ATRNL1: variants seen among roughly 807,000 people sequenced by gnomAD.
ATRNL1 encodes attractin-like protein 1.
ATRNL1 carries 95 observed loss-of-function variants against 182.7 expected under a neutral mutation model. That is an observed-to-expected ratio of 0.52 (90% CI 0.44 to 0.62). The LOEUF (loss-of-function observed/expected upper bound fraction) is 0.62. ATRNL1 is among the 20% of genes least tolerant of loss of function. The pLI, the probability that ATRNL1 is intolerant of heterozygous loss-of-function variation, is 0.00. For synonymous variants in ATRNL1, 576 were observed against 568.3 expected (o/e 1.01, Z -0.19); for missense variants, 1,471 against 1,679.5 (o/e 0.88, Z 2.17).
intron 18 of ATRNL1, among the ~76,000 whole-genome samples, chr10:115,320,451 TG>T (rs1310804514): frequency 1.3e-5 from 2 of 152,196 alleles, no homozygotes; most frequent in Non-Finnish European, 2.9e-5. Flanking sequence ...CTTGCTAGGT[TG>T]GGGAAGTTCT....
At chr10:115,608,158 A>G (rs1856966270) in intron 26 of ATRNL1, among the ~76,000 whole-genome samples, 2 of 152,092 alleles carry the variant, frequency 1.3e-5, no homozygotes, top group South Asian at 4.1e-4. Context: ...GTTTTTAAGG[A>G]CATGGTAATT....
intron 26 of ATRNL1, among the ~76,000 whole-genome samples, chr10:115,566,870 GCTTT>G (rs1278072348): frequency 0.02 from 3,031 of 152,172 alleles, 94 homozygotes; most frequent in African/African-American, 0.069. Context: ...CTGCCCAGGG[GCTTT>G]CACATGCACC....
In ATRNL1 at chr10:115,403,257, C is replaced by CTTTTTTTTTTTTTTTTTTTTTT. The variant is rs59256867; in HGVS notation, c.3269+8524_3269+8525insTTTTTTTTTTTTTTTTTTTTTT. ...CTTTATTTTTCCTAATTACTCTCATCTTTTTTTTTTTTTTTTTTTAGTCTG... is the reference window on the plus strand; with the variant it reads ...CTTTATTTTTCCTAATTACTCTCATCTTTTTTTTTTTTTTTTTTTTTTTTTTTTTTTTTTTTTTTTTAGTCTG... On this transcript the variant is annotated intron_variant, in intron 20 of 28. Transcript: ENST00000355044. Among the ~76,000 whole-genome samples the CTTTTTTTTTTTTTTTTTTTTTT allele has an allele frequency of 1.1e-3, 117 of 107,422 alleles. 8 individuals carry two copies. The highest frequency in any genetic ancestry group is 5.4e-3 in the African/African-American group (111 of 20,382). The allele number at this position is 107,422 out of a possible 152,430, so 70.5% of individuals were successfully genotyped here.
At chr10:115,606,002 G>T (rs1856854008) in intron 26 of ATRNL1, among the ~76,000 whole-genome samples, 1 of 151,896 alleles carries the variant, frequency 6.6e-6, no homozygotes, top group Admixed American at 6.6e-5. Flanking sequence ...AAAATGTGGG[G>T]ATAGGGAGAA....
At chr10:115,719,363 G>T (rs1396048943) in intron 26 of ATRNL1, among the ~76,000 whole-genome samples, 1 of 152,120 alleles carries the variant, frequency 6.6e-6, no homozygotes, top group African/African-American at 2.4e-5. Flanking sequence ...GTATACACAG[G>T]TATATCATCT....
At chr10:115,688,202 T>C (rs1946280203) in intron 26 of ATRNL1, among the ~76,000 whole-genome samples, 1 of 152,170 alleles carries the variant, frequency 6.6e-6, no homozygotes, top group Non-Finnish European at 1.5e-5. Flanking sequence ...TTACATTTCC[T>C]TTACTCATTC....
chr10:115,733,021 C>T (rs1385474924), intron 27 of ATRNL1, among the ~76,000 whole-genome samples: 1 of 152,130 alleles, frequency 6.6e-6, no homozygotes, highest in African/African-American at 2.4e-5. Flanking sequence ...ATAAACTCAG[C>T]ACACAAGCTT....
At chr10:115,783,526 G>A (rs1555079729) in intron 27 of ATRNL1, among the ~76,000 whole-genome samples, 1 of 152,110 alleles carries the variant, frequency 6.6e-6, no homozygotes, top group African/African-American at 2.4e-5. Flanking sequence ...TATTAAGTAT[G>A]ATAATAAATG....
rs546433806 is a variant in ATRNL1, at chr10:115,365,491, T to C, written c.3176-29168T>C. 5.0e-3 allele frequency among the ~76,000 whole-genome samples: 759 copies of C among 152,304 alleles called. 4 individuals are homozygous for C. The highest frequency in any genetic ancestry group is 0.016 in the African/African-American group (670 of 41,570). Reference sequence around the variant, plus strand: ...AACCAGCTCCTGGATTCATTAATTTTTTGAAGGGTTTTTTGTGTCTCTATT... The same window carrying C: ...AACCAGCTCCTGGATTCATTAATTTCTTGAAGGGTTTTTTGTGTCTCTATT... On this transcript the variant is annotated intron_variant, in intron 19 of 28. Coordinates refer to ENST00000355044, the MANE Select transcript of ATRNL1 (RefSeq NM_207303.4).
intron 16 of ATRNL1, 120 bp from the exon 17 acceptor site, chr10:115,301,735 T>A (rs1190145415): frequency 1.5e-5 from 11 of 757,246 alleles, no homozygotes; most frequent in Non-Finnish European, 2.1e-5. Context: ...CCTCATCATA[T>A]TATAATGCCA....
chr10:115,241,186 A>T (rs926556238), intron 9 of ATRNL1, among the ~76,000 whole-genome samples: 1 of 151,960 alleles, frequency 6.6e-6, no homozygotes, highest in East Asian at 1.9e-4. Context: ...GTTTTAACCA[A>T]ATATAGTTTA....
Position 115,945,032 on chromosome 10 carries a change from C to G in ATRNL1, c.*253C>G, listed in dbSNP as rs1411824724. The G allele has an allele frequency of 1.8e-5, 5 of 281,864 alleles. No homozygotes were observed. Among genetic ancestry groups the G allele is most frequent in the Non-Finnish European group, 3.3e-5 (5 of 153,588 alleles). 17.5% of individuals were successfully genotyped at this position (281,864 alleles called of 1,614,324 possible). Reference sequence around the variant, plus strand: ...TTATTATAGCTAACATTAAATTACTCTGGAAAAAGATGTATATTGTTTCTT... The same window carrying G: ...TTATTATAGCTAACATTAAATTACTGTGGAAAAAGATGTATATTGTTTCTT... On this transcript the variant is annotated 3_prime_UTR_variant, in exon 29 of 29. Coordinates refer to ENST00000355044, the MANE Select transcript of ATRNL1 (RefSeq NM_207303.4).
intron 19 of ATRNL1, among the ~76,000 whole-genome samples, chr10:115,359,121 C>G (rs887958064): frequency 6.6e-6 from 1 of 151,662 alleles, no homozygotes; most frequent in Non-Finnish European, 1.5e-5. Context: ...CCACTAACTT[C>G]AGGCAGGTTT....
chr10:115,727,858 C>T (rs889089749), intron 27 of ATRNL1, among the ~76,000 whole-genome samples: 1 of 152,070 alleles, frequency 6.6e-6, no homozygotes, highest in Non-Finnish European at 1.5e-5. Flanking sequence ...TGTATTATTA[C>T]ATTCCTTTAT....
chr10:115,193,310 A>G (rs1848236327), intron 8 of ATRNL1, among the ~76,000 whole-genome samples: 1 of 152,020 alleles, frequency 6.6e-6, no homozygotes, highest in Non-Finnish European at 1.5e-5. Context: ...ATCAATTGAA[A>G]TGGCCGTATG....
intron 27 of ATRNL1, among the ~76,000 whole-genome samples, chr10:115,742,384 A>G (rs1555067893): frequency 1.3e-5 from 2 of 152,130 alleles, no homozygotes; most frequent in African/African-American, 4.8e-5. Flanking sequence ...TAAAGATGAA[A>G]GTACATTTTG....
chr10:115,941,032 T>C (rs891749634), intron 28 of ATRNL1, among the ~76,000 whole-genome samples: 9 of 152,098 alleles, frequency 5.9e-5, no homozygotes, highest in African/African-American at 2.2e-4. Flanking sequence ...AAATGAAACA[T>C]TGTTTGGCCC....
chr10:115,241,853 ATTCT>A lies in ATRNL1; in HGVS notation c.1687+133_1687+136del, dbSNP rs1349096447. Reference sequence around the variant, plus strand: ...AGTTAAGTGATAGAATATGAATGGAATTCTTTCTAATTTCAGCACAGTAGTATTA... The same window carrying A: ...AGTTAAGTGATAGAATATGAATGGAATTCTAATTTCAGCACAGTAGTATTA... On this transcript the variant is annotated intron_variant, in intron 10 of 28. Coordinates refer to ENST00000355044, the MANE Select transcript of ATRNL1 (RefSeq NM_207303.4). 8 of 754,536 alleles carry A rather than the reference ATTCT, an allele frequency of 1.1e-5. No individual in the cohort carries two copies. In the African/African-American group the frequency reaches 1.4e-4, roughly 13 times the overall value. The allele number at this position is 754,536 out of a possible 1,614,324, so 46.7% of individuals were successfully genotyped here.
chr10:115,422,540 C>T (rs1261653781), intron 20 of ATRNL1, among the ~76,000 whole-genome samples: 1 of 152,126 alleles, frequency 6.6e-6, no homozygotes, highest in African/African-American at 2.4e-5. Context: ...ATAACAGATG[C>T]TGGCAAGGTT....
Sources: gnomAD v4.1 joint callset for allele counts (sites outside exome capture counted in the v4.1 genomes callset) on GRCh38, gnomAD v4.1.1 for gene constraint, MANE v1.5 for transcripts, NCBI Gene and HGNC (gene_info 2026-07-23, HGNC 2026-07-21) for gene names.